Variants in CDK6 observed in about 807,000 individuals in gnomAD.
CDK6 encodes the protein cyclin dependent kinase 6.
CDK6 carries 6 observed loss-of-function variants against 37.1 expected under a neutral mutation model. That is an observed-to-expected ratio of 0.16 (90% CI 0.09 to 0.32). CDK6 has a LOEUF of 0.32. Among genes scored for constraint, CDK6 ranks in the 10% least tolerant of loss-of-function variants. CDK6 has a pLI of 1.00. For synonymous variants in CDK6, 160 were observed against 161.3 expected (o/e 0.99, Z 0.06); for missense variants, 224 against 418.9 (o/e 0.53, Z 4.06).
At chr7:92,733,062 A>G (rs1798689533) in intron 3 of CDK6, among the ~76,000 whole-genome samples, 1 of 152,206 alleles carries the variant, frequency 6.6e-6, no homozygotes, top group Admixed American at 6.5e-5. Flanking sequence ...ATTCTAACAA[A>G]TCTAACTTAA....
rs943630747 is a variant in CDK6 at position 92,744,037 on chromosome 7, T to A, written c.370-18244A>T. Among the ~76,000 whole-genome samples the A allele has an allele frequency of 5.3e-5, 8 of 152,108 alleles. 1 individual carries two copies. ...TCTTATTCTGCAACTAAAAAAAAAA[T>A]TTATTGTCTTTCCAATATTTGTCCA... On this transcript the variant is annotated intron_variant, in intron 3 of 7. Transcript: ENST00000424848.
intron 3 of CDK6, among the ~76,000 whole-genome samples, chr7:92,730,617 T>C (rs1182669005): frequency 6.6e-6 from 1 of 152,244 alleles, no homozygotes; most frequent in African/African-American, 2.4e-5. Context: ...ACCTCATACA[T>C]GTGGAATCAC....
At chr7:92,817,876 T>C (rs138383800) in intron 2 of CDK6, among the ~76,000 whole-genome samples, 80 of 152,004 alleles carry the variant, frequency 5.3e-4, no homozygotes, top group African/African-American at 1.6e-3. Context: ...CAATGCCTTT[T>C]ACAATAACAT....
intron 3 of CDK6, among the ~76,000 whole-genome samples, chr7:92,739,827 T>C (rs1798875598): frequency 2.0e-5 from 3 of 152,210 alleles, no homozygotes; most frequent in African/African-American, 7.2e-5. Flanking sequence ...GTGGTGAAGC[T>C]CACTGCAGCT....
chr7:92,816,725 A>G (rs1038001472), intron 2 of CDK6, among the ~76,000 whole-genome samples: 1 of 152,152 alleles, frequency 6.6e-6, no homozygotes, highest in African/African-American at 2.4e-5. Flanking sequence ...AAACAAAATA[A>G]GTATCAAGAG....
At chr7:92,757,173 T>A (rs1355040209) in intron 3 of CDK6, among the ~76,000 whole-genome samples, 1 of 152,208 alleles carries the variant, frequency 6.6e-6, no homozygotes, top group Non-Finnish European at 1.5e-5. Flanking sequence ...TATTTTAGGT[T>A]TGGGGGTACA....
At chr7:92,816,854 C>G (rs1313045918) in intron 2 of CDK6, among the ~76,000 whole-genome samples, 1 of 151,764 alleles carries the variant, frequency 6.6e-6, no homozygotes, top group Non-Finnish European at 1.5e-5. Flanking sequence ...TTACCAATAT[C>G]AGGAATAAAA....
intron 5 of CDK6, among the ~76,000 whole-genome samples, chr7:92,638,187 A>G: frequency 6.6e-6 from 1 of 152,350 alleles, no homozygotes; most frequent in Non-Finnish European, 1.5e-5. Flanking sequence ...CAAAAGATAT[A>G]GAAAATAAAC....
intron 2 of CDK6, among the ~76,000 whole-genome samples, chr7:92,800,700 C>T (rs911484849): frequency 6.6e-6 from 1 of 152,178 alleles, no homozygotes. Flanking sequence ...TATTTATGAA[C>T]ATGTTCTATG....
chr7:92,694,733 T>C (rs896854829), intron 4 of CDK6, among the ~76,000 whole-genome samples: 2 of 152,172 alleles, frequency 1.3e-5, no homozygotes, highest in Non-Finnish European at 2.9e-5. Flanking sequence ...TGTGTAGTGA[T>C]TGCGCTTCAT....
At chr7:92,734,877 TG>T (rs1406078368) in intron 3 of CDK6, among the ~76,000 whole-genome samples, 1 of 152,220 alleles carries the variant, frequency 6.6e-6, no homozygotes, top group African/African-American at 2.4e-5. Flanking sequence ...ACTGACACAC[TG>T]AACAAAAACA....
intron 5 of CDK6, among the ~76,000 whole-genome samples, chr7:92,654,913 A>G (rs1351988702): frequency 6.6e-6 from 1 of 151,892 alleles, no homozygotes; most frequent in Non-Finnish European, 1.5e-5. Context: ...TGGCACAATC[A>G]TGGCTCACTG....
rs934032928 is a variant in CDK6, at chr7:92,769,520, T to A, written c.369+5176A>T. Among the ~76,000 whole-genome samples the A allele has an allele frequency of 1.7e-4, 26 of 152,302 alleles. 1 individual carries two copies. The highest frequency in any genetic ancestry group is 6.0e-4 in the African/African-American group (25 of 41,564). Reference sequence around the variant, plus strand: ...AACATTTTTTTTTATCAAACATGTTTCATGCACAGAATGTCCACAGAATAA... The same window carrying A: ...AACATTTTTTTTTATCAAACATGTTACATGCACAGAATGTCCACAGAATAA... On this transcript the variant is annotated intron_variant, in intron 3 of 7. Transcript: ENST00000424848.
At chr7:92,657,759 A>G (rs1335370149) in intron 5 of CDK6, among the ~76,000 whole-genome samples, 2 of 152,226 alleles carry the variant, frequency 1.3e-5, no homozygotes, top group Non-Finnish European at 2.9e-5. Context: ...TCTGTTGCCT[A>G]GCCTGGAATG....
At chr7:92,684,960 A>G (rs142264347) in intron 4 of CDK6, among the ~76,000 whole-genome samples, 2 of 152,258 alleles carry the variant, frequency 1.3e-5, no homozygotes, top group Non-Finnish European at 2.9e-5. Flanking sequence ...CTGATTTCAA[A>G]GTTGCTAAAA....
At chr7:92,807,374 T>A (rs1250550648) in intron 2 of CDK6, among the ~76,000 whole-genome samples, 1 of 152,014 alleles carries the variant, frequency 6.6e-6, no homozygotes, top group Non-Finnish European at 1.5e-5. Context: ...TATATCTAGA[T>A]ATCTAGATTA....
At chr7:92,638,737 AAT>A (rs1253173931) in intron 5 of CDK6, among the ~76,000 whole-genome samples, 1 of 152,178 alleles carries the variant, frequency 6.6e-6, no homozygotes, top group African/African-American at 2.4e-5. Context: ...CCTCAAATTA[AAT>A]ATGTCTTCTT....
chr7:92,620,903 G>T (rs980380411), intron 6 of CDK6, among the ~76,000 whole-genome samples: 30 of 152,040 alleles, frequency 2.0e-4, no homozygotes, highest in African/African-American at 7.0e-4. Context: ...GCAAGACCTT[G>T]TCTCCAAAGA....
chr7:92,658,229 T>G (rs1796749526), intron 5 of CDK6, among the ~76,000 whole-genome samples: 1 of 152,232 alleles, frequency 6.6e-6, no homozygotes, highest in African/African-American at 2.4e-5. Context: ...GCATGTCATT[T>G]GACCCTGTAA....
Sources: gnomAD v4.1 joint callset for allele counts (sites outside exome capture counted in the v4.1 genomes callset) on GRCh38, gnomAD v4.1.1 for gene constraint, MANE v1.5 for transcripts, NCBI Gene and HGNC (gene_info 2026-07-23, HGNC 2026-07-21) for gene names.